Variants in TRPM2 observed in about 807,000 individuals in gnomAD.
TRPM2 encodes the protein transient receptor potential cation channel subfamily M member 2, also known as estrogen-responsive element-associated gene 1 protein.
TRPM2 carries 161 observed loss-of-function variants against 174.0 expected under a neutral mutation model. The ratio of observed to expected loss-of-function variants is 0.93; its 90% CI spans 0.81 to 1.05. The LOEUF (loss-of-function observed/expected upper bound fraction) is 1.05. Among genes scored for constraint, TRPM2 ranks in the 50% least tolerant of loss-of-function variants. TRPM2 has a pLI of 0.00. For missense variants in TRPM2, 2,057 were observed against 2,038.0 expected (o/e 1.01, Z -0.18); for synonymous variants, 954 against 861.3 (o/e 1.11, Z -1.88).
chr21:44,426,559 G>T, intron 25 of TRPM2, 101 bp from the exon 26 acceptor site: 1 of 1,214,664 alleles, frequency 8.2e-7, no homozygotes, highest in Non-Finnish European at 1.2e-6. Context: ...GGATGTTGGG[G>T]TCGGGTTCAG....
chr21:44,391,709 G>A lies in TRPM2; in HGVS notation c.1794+84G>A. ...TTAGAGCTCTCTGTTTTTAAAATTA[G>A]CTTTTATTTTTATTAGAAAAGACAC... On this transcript the variant is annotated intron_variant, in intron 11 of 31. Coordinates refer to ENST00000397928, the MANE Select transcript of TRPM2 (RefSeq NM_003307.4). The surrounding 1 kb of genome is among the most constrained non-coding windows in gnomAD (Gnocchi z 5.0). 2.3e-6 allele frequency: 3 copies of A among 1,283,880 alleles called. No homozygotes were observed. Among genetic ancestry groups the A allele is most frequent in the Non-Finnish European group, 2.1e-6 (2 of 958,164 alleles). 79.5% of individuals were successfully genotyped at this position (1,283,880 alleles called of 1,614,324 possible). A position where few individuals can be genotyped will look rare whatever the true frequency, so the allele number is the denominator to read the frequency against.
chr21:44,357,111 C>G (rs544281539), intron 2 of TRPM2, among the ~76,000 whole-genome samples: 40 of 152,264 alleles, frequency 2.6e-4, no homozygotes, highest in African/African-American at 9.4e-4. Context: ...ATGCCTTAAC[C>G]GTCTGGGAAG....
At chr21:44,417,651 G>T (rs1330394957) in intron 20 of TRPM2, among the ~76,000 whole-genome samples, 6 of 106,014 alleles carry the variant, frequency 5.7e-5, no homozygotes, top group South Asian at 3.6e-4. Flanking sequence ...CATCACAGTG[G>T]GCACGTGGGC....
intron 5 of TRPM2, among the ~76,000 whole-genome samples, chr21:44,371,271 G>A (rs1367654642): frequency 2.3e-5 from 3 of 129,074 alleles, no homozygotes; most frequent in East Asian, 2.4e-4. Context: ...TCCCGTGGCC[G>A]CCTCCCTCCA....
At chr21:44,409,074 A>AT (rs1171221936) in intron 19 of TRPM2, among the ~76,000 whole-genome samples, 2 of 151,886 alleles carry the variant, frequency 1.3e-5, no homozygotes, top group African/African-American at 2.4e-5. Context: ...TATGATTTGA[A>AT]TTTTTTTTGT....
At chr21:44,383,137 G>T (rs2048930812) in intron 9 of TRPM2, among the ~76,000 whole-genome samples, 1 of 152,138 alleles carries the variant, frequency 6.6e-6, no homozygotes, top group South Asian at 2.1e-4. Context: ...TCAACTTCCT[G>T]CTTGCTGGCT....
At position 44,432,079 on chromosome 21, in the gene TRPM2, T is replaced by C. The variant is rs1005106628; in HGVS notation, c.3975-3052T>C. Among the ~76,000 whole-genome samples, 1 of 152,254 alleles carries C rather than the reference T, an allele frequency of 6.6e-6. No homozygotes were observed. The highest frequency in any genetic ancestry group is 2.4e-5 in the African/African-American group (1 of 41,460). On this transcript the variant is annotated intron_variant, in intron 27 of 31. Transcript: ENST00000397928. The surrounding 1 kb of genome is among the most constrained non-coding windows in gnomAD (Gnocchi z 4.9). ...ACACACTCAGATGCCCTTTCTGGTA[T>C]AGGAGTGACTGTCCCCACGTCTGTC...
intron 16 of TRPM2, among the ~76,000 whole-genome samples, chr21:44,403,016 G>A (rs533401529): frequency 4.7e-4 from 72 of 152,292 alleles, no homozygotes; most frequent in African/African-American, 1.7e-3. Flanking sequence ...AGGAAGATCA[G>A]GTCCAGGACT....
In TRPM2 at chr21:44,413,849, G is replaced by C. The variant is rs201000062; in HGVS notation, c.2963-42G>C. The C allele has an allele frequency of 2.2e-5, 35 of 1,590,310 alleles. No homozygotes were observed. In the African/African-American group the frequency reaches 4.3e-4, roughly 19 times the overall value. The stretch of plus-strand genomic sequence containing the variant: ...CTCCTGCCAAGCTCCTCTTGACTCT[G>C]TGTTGTTTTCTTGGCTCACCCACCC... On this transcript the variant is annotated intron_variant, in intron 19 of 31. Coordinates refer to ENST00000397928, the MANE Select transcript of TRPM2 (RefSeq NM_003307.4).
chr21:44,367,606 C>G lies in TRPM2; in HGVS notation c.604+672C>G, dbSNP rs2048398195. On this transcript the variant is annotated intron_variant, in intron 4 of 31. Coordinates refer to ENST00000397928, the MANE Select transcript of TRPM2 (RefSeq NM_003307.4). This position sits in a 1 kb window ranked among gnomAD's most constrained non-coding sequence, Gnocchi z 4.6. ...GGGAGGGGGCCCCAAGTCCTCAAGG[C>G]TCCCTGGGCCTCCCTGGAGGGGACT... 1.3e-5 allele frequency among the ~76,000 whole-genome samples: 2 copies of G among 152,282 alleles called. No homozygotes were observed. The highest frequency in any genetic ancestry group is 2.1e-4 in the South Asian group (1 of 4,826).
chr21:44,392,668 C>G (rs977419263), intron 11 of TRPM2, among the ~76,000 whole-genome samples: 1 of 152,070 alleles, frequency 6.6e-6, no homozygotes, highest in South Asian at 2.1e-4. Flanking sequence ...TCTCCAAATG[C>G]TATAGTCACA....
rs75260896 is a variant in TRPM2 at position 44,437,106 on chromosome 21, A to G, written c.4106A>G (p.Lys1369Arg). 1.3e-3 allele frequency: 2,016 copies of G among 1,551,354 alleles called. 33 individuals carry two copies. In the African/African-American group the frequency reaches 0.024, roughly 19 times the overall value. Reference protein sequence around the residue: ...EDGAICRKSIKKMLEVLVVKL... With the variant: ...EDGAICRKSIRKMLEVLVVKL... ...GGAGCCATCTGCAGGAAGAGCATAA[A>G]GAAGATGCTGGAAGTGCTGGTGGTG... Residue 1369 changes from lysine (K) to arginine (R), a missense_variant, in exon 29 of 32, where the codon AAG (lysine) becomes AGG (arginine). Transcript: ENST00000397928.
At position 44,354,639 on chromosome 21, in the gene TRPM2, T is replaced by A. The variant is rs1475282005; in HGVS notation, c.166-9T>A. On this transcript the variant is annotated splice_polypyrimidine_tract_variant and intron_variant, in intron 1 of 31. Coordinates refer to ENST00000397928, the MANE Select transcript of TRPM2 (RefSeq NM_003307.4). The surrounding 1 kb of genome is among the most constrained non-coding windows in gnomAD (Gnocchi z 4.3). ...TTGGAAGATCTCAGTGTGCTGTCTT[T>A]ACCTTCAGCAAGAAAGCCTCAGTTC... 6.2e-7 allele frequency: 1 copy of A among 1,613,036 alleles called. No individual in the cohort carries two copies. The highest frequency in any genetic ancestry group is 8.5e-7 in the Non-Finnish European group (1 of 1,179,004).
chr21:44,425,248 CTG>C (rs2050714890), intron 24 of TRPM2: 3 of 426,836 alleles, frequency 7.0e-6, no homozygotes, highest in South Asian at 4.7e-5. Flanking sequence ...CGGCTGCAGA[CTG>C]TGTCTGAACC....
intron 19 of TRPM2, among the ~76,000 whole-genome samples, chr21:44,410,308 GCGTAGCCT>G: frequency 4.2e-5 from 3 of 71,258 alleles, no homozygotes; most frequent in African/African-American, 1.3e-4. Flanking sequence ...CACTGTCTTG[GCGTAGCCT>G]TGTAGTAAGT....
chr21:44,407,306 TG>T (rs2043912639), intron 19 of TRPM2, among the ~76,000 whole-genome samples: 1 of 148,572 alleles, frequency 6.7e-6, no homozygotes, highest in Non-Finnish European at 1.5e-5. Flanking sequence ...TTGTATTTTT[TG>T]TAGAGATGGG....
At chr21:44,428,242 A>G (rs2050876817) in intron 27 of TRPM2, among the ~76,000 whole-genome samples, 1 of 152,144 alleles carries the variant, frequency 6.6e-6, no homozygotes, top group Non-Finnish European at 1.5e-5. Flanking sequence ...AGTTTTTTTC[A>G]CTGAGACTTT....
chr21:44,438,692 G>A lies in TRPM2; in HGVS notation c.4168-375G>A, dbSNP rs1330344798. On this transcript the variant is annotated intron_variant, in intron 29 of 31. Transcript: ENST00000397928. This position sits in a 1 kb window ranked among gnomAD's most constrained non-coding sequence, Gnocchi z 5.9. ...CGGGAATGCAAACAGGGAACCCGCC[G>A]TGGCAGCCTGCTGCACTGGGCGGGA... Among the ~76,000 whole-genome samples, 7 of 152,176 alleles carry A rather than the reference G, an allele frequency of 4.6e-5. No homozygotes were observed. The highest frequency in any genetic ancestry group is 9.7e-5 in the African/African-American group (4 of 41,448).
At chr21:44,398,692 T>C (rs1421997727) in intron 13 of TRPM2, among the ~76,000 whole-genome samples, 1 of 152,158 alleles carries the variant, frequency 6.6e-6, no homozygotes, top group Non-Finnish European at 1.5e-5. Flanking sequence ...CAGAACTGGT[T>C]GCACCAGATC....
Sources: gnomAD v4.1 joint callset for allele counts (sites outside exome capture counted in the v4.1 genomes callset) on GRCh38, gnomAD v4.1.1 for gene constraint, Gnocchi (gnomAD v3.1) non-coding constraint, MANE v1.5 for transcripts, NCBI Gene and HGNC (gene_info 2026-07-23, HGNC 2026-07-21) for gene names.